The following LRMDA variants were observed in gnomAD, a reference collection of about 807,000 sequenced individuals.
The protein encoded by LRMDA is leucine-rich melanocyte differentiation-associated protein.
A neutral mutation model predicts 29.8 loss-of-function variants in LRMDA; 18 were observed. That is an observed-to-expected ratio of 0.60 (90% CI 0.42 to 0.90). The LOEUF is 0.90. LRMDA is among the 40% of genes least tolerant of loss of function. LRMDA has a pLI of 0.00. For synonymous variants in LRMDA, 125 were observed against 109.4 expected, an observed-to-expected ratio of 1.14 and a Z score of -0.89; for missense variants, 273 against 273.9, an observed-to-expected ratio of 1.00 and a Z score of 0.02.
chr10:76,000,920 C>A (rs1042938523), intron 2 of LRMDA, among the ~76,000 whole-genome samples: 1 of 152,158 alleles, frequency 6.6e-6, no homozygotes, highest in African/African-American at 2.4e-5. Flanking sequence ...TTCACATGCA[C>A]CATTAGAAAA....
At chr10:75,793,201 G>T (rs1312228106) in intron 2 of LRMDA, among the ~76,000 whole-genome samples, 1 of 152,154 alleles carries the variant, frequency 6.6e-6, no homozygotes, top group African/African-American at 2.4e-5. Context: ...GAGAGAGGAG[G>T]CTGCAGTAGC....
chr10:75,496,871 C>A (rs996384990), intron 2 of LRMDA, among the ~76,000 whole-genome samples: 2 of 151,842 alleles, frequency 1.3e-5, no homozygotes, highest in African/African-American at 4.8e-5. Context: ...CATGAGGGGT[C>A]TATACACATA....
At chr10:76,213,616 G>A (rs913420534) in intron 5 of LRMDA, among the ~76,000 whole-genome samples, 5 of 152,134 alleles carry the variant, frequency 3.3e-5, no homozygotes, top group African/African-American at 4.8e-5. Context: ...CCCTTCAAAG[G>A]ACTCCTCTAA....
At chr10:75,574,785 T>G (rs958576331) in intron 2 of LRMDA, among the ~76,000 whole-genome samples, 2 of 152,184 alleles carry the variant, frequency 1.3e-5, no homozygotes, top group Non-Finnish European at 2.9e-5. Flanking sequence ...ACTCAGGTGT[T>G]TAACTGTCCT....
intron 6 of LRMDA, among the ~76,000 whole-genome samples, chr10:76,334,543 G>T (rs993596717): frequency 6.6e-6 from 1 of 152,114 alleles, no homozygotes; most frequent in South Asian, 2.1e-4. Flanking sequence ...TGCTCAGCTC[G>T]GCCTGCCGTC....
chr10:75,641,168 GA>G (rs779320137), intron 2 of LRMDA, among the ~76,000 whole-genome samples: 1 of 152,182 alleles, frequency 6.6e-6, no homozygotes, highest in Non-Finnish European at 1.5e-5. Context: ...AAGATTGAAA[GA>G]GATGAAGTGA....
At chr10:75,763,600 G>T (rs1013741368) in intron 2 of LRMDA, among the ~76,000 whole-genome samples, 10 of 152,182 alleles carry the variant, frequency 6.6e-5, no homozygotes, top group African/African-American at 2.4e-4. Context: ...AACAGTTTAC[G>T]AGTTGAGTAA....
intron 5 of LRMDA, among the ~76,000 whole-genome samples, chr10:76,306,579 G>T (rs2579785): frequency 0.64 from 96,795 of 151,994 alleles, 33,264 homozygotes; most frequent in Non-Finnish European, 0.8. Flanking sequence ...GAACCTGGAG[G>T]CTTGGATATA....
chr10:76,389,834 A>G (rs1841702154), intron 6 of LRMDA, among the ~76,000 whole-genome samples: 4 of 152,102 alleles, frequency 2.6e-5, no homozygotes, highest in Admixed American at 2.0e-4. Flanking sequence ...ATAATATCCA[A>G]TTGTATCTAT....
At chr10:76,044,902 G>GTTTCCCTCTCTTGCTAGTTTCCCCTCTTA (rs1564637781) in intron 3 of LRMDA, among the ~76,000 whole-genome samples, 5 of 151,918 alleles carry the variant, frequency 3.3e-5, no homozygotes, top group African/African-American at 9.7e-5. Flanking sequence ...TTCCCCTCTT[G>GTTTCCCTCTCTTGCTAGTTTCCCCTCTTA]CTAGTTTCCC....
intron 5 of LRMDA, among the ~76,000 whole-genome samples, chr10:76,071,811 C>A (rs1848880642): frequency 6.6e-6 from 1 of 152,166 alleles, no homozygotes; most frequent in Non-Finnish European, 1.5e-5. Flanking sequence ...TAGTTCAGAT[C>A]TTGGGAAGCC....
At chr10:75,839,674 C>G (rs1844500576) in intron 2 of LRMDA, among the ~76,000 whole-genome samples, 1 of 138,654 alleles carries the variant, frequency 7.2e-6, no homozygotes, top group African/African-American at 2.8e-5. Flanking sequence ...CCTTCCAATT[C>G]TACTCCTTAG....
intron 5 of LRMDA, among the ~76,000 whole-genome samples, chr10:76,320,900 T>A (rs1315476016): frequency 6.6e-6 from 1 of 152,220 alleles, no homozygotes; most frequent in African/African-American, 2.4e-5. Context: ...CCTGCATACA[T>A]GAAATCAACA....
At chr10:76,458,171 G>A (rs1014701324) in intron 6 of LRMDA, among the ~76,000 whole-genome samples, 2 of 12,794 alleles carry the variant, frequency 1.6e-4, no homozygotes, top group South Asian at 1.1e-3. Context: ...AATTTGGCCT[G>A]TTTTGTATAT....
chr10:76,505,695 G>T (rs1842952603), intron 6 of LRMDA, among the ~76,000 whole-genome samples: 1 of 152,044 alleles, frequency 6.6e-6, no homozygotes, highest in South Asian at 2.1e-4. Flanking sequence ...TCTGGATTGG[G>T]TTTGAATGTT....
intron 2 of LRMDA, among the ~76,000 whole-genome samples, chr10:76,029,106 T>C (rs1178604922): frequency 1.3e-5 from 2 of 152,196 alleles, no homozygotes; most frequent in South Asian, 4.1e-4. Context: ...TGAGCCATCA[T>C]GCCTGGCCAA....
At chr10:75,552,566 A>G (rs761119017) in intron 2 of LRMDA, 1 of 477,454 alleles carries the variant, frequency 2.1e-6, no homozygotes, top group South Asian at 1.6e-5. Context: ...TCTACCCCTC[A>G]TCCCCTACTT....
rs148952693 is a variant in LRMDA, at chr10:76,547,494, CATTT to C, written c.602-9694_602-9691del. ...ATGGCTCTCCCTGAATAGTTGCCGC[CATTT>C]ATTTATTTATTTATTTATTTTAAGC... On this transcript the variant is annotated intron_variant, in intron 6 of 6. Transcript: ENST00000611255. Among the ~76,000 whole-genome samples, 43 of 151,980 alleles carry C rather than the reference CATTT, an allele frequency of 2.8e-4. 1 individual carries two copies. The East Asian group carries it at 6.4e-3, about 23-fold the overall frequency.
intron 2 of LRMDA, among the ~76,000 whole-genome samples, chr10:75,624,427 G>C (rs992991330): frequency 3.3e-5 from 5 of 152,150 alleles, no homozygotes; most frequent in African/African-American, 1.2e-4. Flanking sequence ...GAGAAAAAGA[G>C]GTATCAGTCA....
Sources: allele counts gnomAD v4.1 joint callset (sites outside exome capture counted in the v4.1 genomes callset), GRCh38; gene constraint gnomAD v4.1.1; transcripts MANE v1.5; gene names NCBI Gene and HGNC (gene_info 2026-07-23, HGNC 2026-07-21).